FOXJ3: variants seen among roughly 807,000 people sequenced by gnomAD.
FOXJ3 encodes forkhead box protein J3.
FOXJ3 carries 22 observed loss-of-function variants against 76.1 expected under a neutral mutation model. The ratio of observed to expected loss-of-function variants is 0.29; its 90% CI spans 0.21 to 0.41. The LOEUF is 0.41. Among genes scored for constraint, FOXJ3 ranks in the 10% least tolerant of loss-of-function variants. The pLI, the probability that FOXJ3 is intolerant of heterozygous loss-of-function variation, is 1.00. For synonymous variants in FOXJ3, 269 were observed against 261.2 expected, an observed-to-expected ratio of 1.03 and a Z score of -0.29; for missense variants, 613 against 762.1, an observed-to-expected ratio of 0.80 and a Z score of 2.30.
chr1:42,305,641 T>G (rs1654410009), intron 2 of FOXJ3, among the ~76,000 whole-genome samples: 1 of 152,208 alleles, frequency 6.6e-6, no homozygotes, highest in Non-Finnish European at 1.5e-5. Flanking sequence ...TGTCCTCACT[T>G]ATTTGTGAGA....
intron 5 of FOXJ3, among the ~76,000 whole-genome samples, chr1:42,221,924 G>A (rs1476589077): frequency 8.1e-6 from 1 of 123,076 alleles, no homozygotes; most frequent in Non-Finnish European, 1.7e-5. Context: ...ACCAGCCTGG[G>A]AAATGTAGCA....
At chr1:42,258,667 G>T (rs1650796781) in intron 4 of FOXJ3, among the ~76,000 whole-genome samples, 1 of 152,034 alleles carries the variant, frequency 6.6e-6, no homozygotes, top group Admixed American at 6.6e-5. Context: ...ACTCTTAATG[G>T]ATTAAAATAT....
chr1:42,235,735 G>T (rs769161565), intron 4 of FOXJ3, among the ~76,000 whole-genome samples: 1 of 151,934 alleles, frequency 6.6e-6, no homozygotes, highest in East Asian at 1.9e-4. Context: ...GATAATTTTC[G>T]TATTTTTAGT....
At chr1:42,225,913 A>G (rs1385044938) in intron 5 of FOXJ3, among the ~76,000 whole-genome samples, 7 of 152,226 alleles carry the variant, frequency 4.6e-5, no homozygotes, top group Admixed American at 2.6e-4. Context: ...GGTAACAAGA[A>G]TAAAAGGCAA....
At chr1:42,235,047 C>T (rs1274018525) in intron 4 of FOXJ3, among the ~76,000 whole-genome samples, 1 of 152,170 alleles carries the variant, frequency 6.6e-6, no homozygotes, top group Admixed American at 6.5e-5. Context: ...GTGGTGGGCT[C>T]CACCCAGTTG....
intron 2 of FOXJ3, among the ~76,000 whole-genome samples, chr1:42,282,949 G>GGTAT (rs1453676329): frequency 6.6e-6 from 1 of 152,132 alleles, no homozygotes; most frequent in African/African-American, 2.4e-5. Flanking sequence ...ATCCAATGAA[G>GGTAT]GTATGCGTGT....
intron 2 of FOXJ3, among the ~76,000 whole-genome samples, chr1:42,306,035 T>A (rs1474703698): frequency 1.3e-5 from 2 of 152,274 alleles, no homozygotes; most frequent in East Asian, 3.9e-4. Flanking sequence ...CAAAAAATAG[T>A]CTATTGTTAC....
chr1:42,244,871 A>G (rs1489541715), intron 4 of FOXJ3, among the ~76,000 whole-genome samples: 1 of 152,186 alleles, frequency 6.6e-6, no homozygotes. Context: ...GTAACAAGCA[A>G]TAAGATTGAA....
At chr1:42,254,825 G>A (rs343399) in intron 4 of FOXJ3, among the ~76,000 whole-genome samples, 1 of 130,080 alleles carries the variant, frequency 7.7e-6, no homozygotes, top group Non-Finnish European at 1.6e-5. Context: ...GGGGTGGGGG[G>A]AGGGGGGAGG....
In FOXJ3 at chr1:42,199,107, T is replaced by A. The variant is rs781056535; in HGVS notation, c.754A>T (p.Thr252Ser). 1.9e-6 allele frequency: 3 copies of A among 1,613,158 alleles called. No individual in the cohort carries two copies. The highest frequency in any genetic ancestry group is 1.7e-6 in the Non-Finnish European group (2 of 1,179,162). Residue 252 changes from threonine (T) to serine (S), a missense_variant, in exon 7 of 13, where the codon ACA becomes TCA. This residue lies in a region of FOXJ3 where 526 missense variants were observed against 601.4 expected (regional missense o/e 0.87). Coordinates refer to ENST00000361346, the MANE Select transcript of FOXJ3 (RefSeq NM_014947.5). ...TTAACTTCATCAAGACTTACCGGTGTATAACTATGCACACTTCCAACACTG... is the reference window on the plus strand; with the variant it reads ...TTAACTTCATCAAGACTTACCGGTGAATAACTATGCACACTTCCAACACTG... The part of the protein sequence containing the change: ...LNSVGSVHSY[T>S]PVTSHPESVS...
intron 2 of FOXJ3, among the ~76,000 whole-genome samples, chr1:42,285,848 T>C (rs1653019390): frequency 6.6e-6 from 1 of 152,236 alleles, no homozygotes; most frequent in African/African-American, 2.4e-5. Flanking sequence ...CCTTTTATTG[T>C]TGTTTTCCTA....
At chr1:42,307,361 T>C (rs1219361010) in intron 2 of FOXJ3, among the ~76,000 whole-genome samples, 2 of 152,198 alleles carry the variant, frequency 1.3e-5, no homozygotes, top group Non-Finnish European at 2.9e-5. Context: ...TAAGTGTCAT[T>C]TCTTTGGGGA....
rs907234671 is a variant in FOXJ3 at position 42,183,473 on chromosome 1, C to G, written c.1646-1449G>C. On this transcript the variant is annotated intron_variant, in intron 11 of 12. Coordinates refer to ENST00000361346, the MANE Select transcript of FOXJ3 (RefSeq NM_014947.5). The stretch of plus-strand genomic sequence containing the variant: ...AGGAGACATCAAGTGTTATCGCCTC[C>G]AAAATGTCAACTACGTTACATCACA... Among the ~76,000 whole-genome samples, 3 of 151,590 alleles carry G rather than the reference C, an allele frequency of 2.0e-5. No individual in the cohort carries two copies. The South Asian group carries it at 6.3e-4, about 32-fold the overall frequency.
At chr1:42,328,156 TGTG>T (rs1416694655) in intron 1 of FOXJ3, among the ~76,000 whole-genome samples, 2 of 152,134 alleles carry the variant, frequency 1.3e-5, no homozygotes, top group African/African-American at 4.8e-5. Context: ...ATTAGCCAGG[TGTG>T]GTGGTACGCA....
chr1:42,309,221 C>T (rs1654657429), intron 2 of FOXJ3, among the ~76,000 whole-genome samples: 1 of 152,124 alleles, frequency 6.6e-6, no homozygotes, highest in Admixed American at 6.5e-5. Flanking sequence ...TCCTTCTGCC[C>T]TCCAAAGCTG....
At chr1:42,333,879 A>T (rs946714859) in intron 1 of FOXJ3, among the ~76,000 whole-genome samples, 2 of 152,244 alleles carry the variant, frequency 1.3e-5, no homozygotes, top group African/African-American at 4.8e-5. Flanking sequence ...AGCTATGCAT[A>T]TAACGCTCCT....
chr1:42,188,707 G>A, intron 11 of FOXJ3, 30 bp downstream of exon 11: 1 of 1,408,104 alleles, frequency 7.1e-7, no homozygotes. Flanking sequence ...GAGAAAATGA[G>A]AAAAATCAAG....
chr1:42,258,305 C>T (rs1238591798), intron 4 of FOXJ3, among the ~76,000 whole-genome samples: 2 of 152,196 alleles, frequency 1.3e-5, no homozygotes, highest in African/African-American at 4.8e-5. Context: ...GGATGCTGTT[C>T]CTGGTAACTG....
chr1:42,218,864 T>C (rs1647123324), intron 5 of FOXJ3, among the ~76,000 whole-genome samples: 1 of 152,220 alleles, frequency 6.6e-6, no homozygotes, highest in Non-Finnish European at 1.5e-5. Context: ...CCAGCCACAG[T>C]AGCCTCCTTG....
Sources: gnomAD v4.1 joint callset for allele counts (sites outside exome capture counted in the v4.1 genomes callset) on GRCh38, gnomAD v4.1.1 for gene constraint, gnomAD v4.1.1 regional missense constraint, MANE v1.5 for transcripts, NCBI Gene and HGNC (gene_info 2026-07-23, HGNC 2026-07-21) for gene names.